The following GALNT17 variants were observed in gnomAD, a reference collection of about 807,000 sequenced individuals.
GALNT17 encodes UDP-GalNAc:polypeptide N-acetylgalactosaminyltransferase-like 3.
In GALNT17, 29 loss-of-function variants were observed where a neutral mutation model predicts 63.7. The ratio of observed to expected loss-of-function variants is 0.46; its 90% CI spans 0.34 to 0.62. The LOEUF is 0.62. Ranked by LOEUF, GALNT17 falls within the 20% of genes least tolerant of loss-of-function variation. The pLI, the probability that GALNT17 is intolerant of heterozygous loss-of-function variation, is 0.01. For missense variants in GALNT17, 603 were observed against 799.6 expected (o/e 0.75, Z 2.97); for synonymous variants, 305 against 318.3 (o/e 0.96, Z 0.45).
intron 1 of GALNT17, among the ~76,000 whole-genome samples, chr7:71,162,620 T>A (rs1460868459): frequency 6.6e-6 from 1 of 151,982 alleles, no homozygotes; most frequent in Non-Finnish European, 1.5e-5. Flanking sequence ...GAAGTCAGCC[T>A]TGCATCCATC....
intron 1 of GALNT17, among the ~76,000 whole-genome samples, chr7:71,194,048 T>A (rs1417395125): frequency 1.3e-5 from 2 of 152,138 alleles, no homozygotes; most frequent in African/African-American, 4.8e-5. Context: ...TCTGCTTTAT[T>A]TATTTATTTA....
intron 9 of GALNT17, among the ~76,000 whole-genome samples, chr7:71,686,326 C>A (rs1791358401): frequency 6.6e-6 from 1 of 151,962 alleles, no homozygotes; most frequent in South Asian, 2.1e-4. Flanking sequence ...ACACCATAAT[C>A]AAGATACAGA....
At chr7:71,196,430 G>A (rs1436332674) in intron 1 of GALNT17, among the ~76,000 whole-genome samples, 4 of 151,852 alleles carry the variant, frequency 2.6e-5, no homozygotes, top group African/African-American at 4.8e-5. Context: ...GTGAGCCACC[G>A]CGCCTGGCCC....
chr7:71,588,950 A>C (rs1451747428), intron 6 of GALNT17, among the ~76,000 whole-genome samples: 1 of 152,314 alleles, frequency 6.6e-6, no homozygotes, highest in South Asian at 2.1e-4. Context: ...GCATACCAAA[A>C]CTGAGCCAGA....
intron 1 of GALNT17, among the ~76,000 whole-genome samples, chr7:71,179,828 G>T (rs1273075405): frequency 6.6e-6 from 1 of 152,104 alleles, no homozygotes; most frequent in Non-Finnish European, 1.5e-5. Context: ...GTCTTTCAAG[G>T]ATACTCCTGT....
intron 5 of GALNT17, among the ~76,000 whole-genome samples, chr7:71,498,089 T>G: frequency 6.6e-6 from 1 of 152,240 alleles, no homozygotes; most frequent in East Asian, 1.9e-4. Context: ...CAGAGGTTAT[T>G]CCTGAAGGCG....
intron 6 of GALNT17, among the ~76,000 whole-genome samples, chr7:71,646,778 G>A (rs1172565996): frequency 5.3e-5 from 7 of 133,184 alleles, no homozygotes; most frequent in Admixed American, 2.6e-4. Context: ...ATAGAGTCTC[G>A]CTCTGTCACC....
intron 6 of GALNT17, among the ~76,000 whole-genome samples, chr7:71,613,419 T>C (rs1790153257): frequency 6.6e-6 from 1 of 152,144 alleles, no homozygotes; most frequent in African/African-American, 2.4e-5. Flanking sequence ...AGCAATCACA[T>C]TAAGGAAATC....
At chr7:71,614,782 G>C (rs1388076084) in intron 6 of GALNT17, among the ~76,000 whole-genome samples, 1 of 150,186 alleles carries the variant, frequency 6.7e-6, no homozygotes, top group Admixed American at 6.7e-5. Flanking sequence ...AACAGAGAAA[G>C]AGAAACAGAG....
chr7:71,186,620 C>A (rs1467263528), intron 1 of GALNT17, among the ~76,000 whole-genome samples: 1 of 152,178 alleles, frequency 6.6e-6, no homozygotes, highest in Non-Finnish European at 1.5e-5. Context: ...TTTGCCATTG[C>A]CCTTCATAAG....
At chr7:71,650,217 C>A (rs1335961687) in intron 6 of GALNT17, among the ~76,000 whole-genome samples, 1 of 152,180 alleles carries the variant, frequency 6.6e-6, no homozygotes, top group Non-Finnish European at 1.5e-5. Flanking sequence ...ACAAGCTTTG[C>A]TGGGCTTTTG....
At chr7:71,333,038 T>C (rs1791834071) in intron 1 of GALNT17, among the ~76,000 whole-genome samples, 1 of 152,210 alleles carries the variant, frequency 6.6e-6, no homozygotes, top group African/African-American at 2.4e-5. Flanking sequence ...GCGTACAGTT[T>C]AGTGGCTTGT....
At chr7:71,508,237 T>C (rs1788297929) in intron 5 of GALNT17, among the ~76,000 whole-genome samples, 1 of 152,124 alleles carries the variant, frequency 6.6e-6, no homozygotes, top group Non-Finnish European at 1.5e-5. Context: ...AAACGCAACC[T>C]CCACCGTAAG....
intron 1 of GALNT17, among the ~76,000 whole-genome samples, chr7:71,298,151 G>C (rs1332704678): frequency 6.6e-6 from 1 of 152,156 alleles, no homozygotes; most frequent in Non-Finnish European, 1.5e-5. Context: ...CTCCTGAGTA[G>C]CTGGGATTAC....
chr7:71,328,249 T>G (rs1320292975), intron 1 of GALNT17, among the ~76,000 whole-genome samples: 1 of 152,208 alleles, frequency 6.6e-6, no homozygotes, highest in Non-Finnish European at 1.5e-5. Flanking sequence ...TTACTTTTAG[T>G]GGCAAAAACG....
At chr7:71,566,730 C>T (rs1239943758) in intron 5 of GALNT17, among the ~76,000 whole-genome samples, 10 of 151,180 alleles carry the variant, frequency 6.6e-5, no homozygotes, top group Middle Eastern at 6.8e-3. Flanking sequence ...TCATCATCAC[C>T]GTTTGGTTGC....
At chr7:71,575,054 G>A (rs1789513533) in intron 6 of GALNT17, among the ~76,000 whole-genome samples, 1 of 152,102 alleles carries the variant, frequency 6.6e-6, no homozygotes, top group African/African-American at 2.4e-5. Flanking sequence ...TCTCGACCAG[G>A]TGACTACAGG....
chr7:71,388,896 G>T (rs1793000918), intron 3 of GALNT17, among the ~76,000 whole-genome samples: 1 of 152,026 alleles, frequency 6.6e-6, no homozygotes, highest in African/African-American at 2.4e-5. Context: ...CTAGAGCAGG[G>T]GTCCCCAACC....
At chr7:71,134,604 C>G (rs1041383201) in intron 1 of GALNT17, among the ~76,000 whole-genome samples, 1 of 151,988 alleles carries the variant, frequency 6.6e-6, no homozygotes, top group Non-Finnish European at 1.5e-5. Context: ...GGGTAGCCCA[C>G]GGAAGTTATG....
Sources: gnomAD v4.1 joint callset for allele counts (sites outside exome capture counted in the v4.1 genomes callset) on GRCh38, gnomAD v4.1.1 for gene constraint, MANE v1.5 for transcripts, NCBI Gene and HGNC (gene_info 2026-07-23, HGNC 2026-07-21) for gene names.